Variants in UBL3 observed in about 807,000 individuals in gnomAD.
UBL3 encodes ubiquitin-like protein 3.
A neutral mutation model predicts 18.4 loss-of-function variants in UBL3; 6 were observed. The ratio of observed to expected loss-of-function variants is 0.33; its 90% CI spans 0.18 to 0.64. UBL3 has a LOEUF of 0.64. Ranked by LOEUF, UBL3 falls within the 30% of genes least tolerant of loss-of-function variation. UBL3 has a pLI of 0.76. For missense variants in UBL3, 109 were observed against 142.9 expected (o/e 0.76, Z 1.21); for synonymous variants, 49 against 46.6 (o/e 1.05, Z -0.21).
chr13:29,790,781 G>A (rs571880143), intron 1 of UBL3, among the ~76,000 whole-genome samples: 15 of 151,850 alleles, frequency 9.9e-5, no homozygotes, highest in Admixed American at 4.6e-4. Context: ...AACATCCTTC[G>A]GGAAGACTAT....
chr13:29,802,548 C>A (rs1466858786), intron 1 of UBL3, among the ~76,000 whole-genome samples: 4 of 152,130 alleles, frequency 2.6e-5, no homozygotes, highest in Non-Finnish European at 5.9e-5. Context: ...GAAACCTAAT[C>A]TAAGGAGTAC....
At chr13:29,828,063 G>A (rs1267308470) in intron 1 of UBL3, among the ~76,000 whole-genome samples, 1 of 152,092 alleles carries the variant, frequency 6.6e-6, no homozygotes, top group Admixed American at 6.6e-5. Context: ...TTAGTCTGAT[G>A]GGCTTCCCTT....
At chr13:29,822,890 T>C (rs1441364582) in intron 1 of UBL3, among the ~76,000 whole-genome samples, 14 of 151,976 alleles carry the variant, frequency 9.2e-5, no homozygotes, top group African/African-American at 3.4e-4. Context: ...AATTAGAACA[T>C]TTCAAAATGA....
intron 2 of UBL3, 110 bp downstream of exon 2, chr13:29,777,045 A>G: frequency 1.2e-6 from 1 of 805,942 alleles, no homozygotes; most frequent in Non-Finnish European, 1.9e-6. Context: ...TTATACTCTC[A>G]ATTTTCGGTT....
chr13:29,767,299 T>C lies in UBL3; in HGVS notation c.310A>G (p.Asn104Asp). ...TTACTCTCTCCAGTCTTCTCACGAT[T>C]CCTCTGACCTAGGGAAAACGAAGAA... ...LPEPNSQGQR[N>D]REKTGESNCC... is the part of the protein sequence containing the mutation. The change falls in exon 5 of 5, where the codon AAT becomes GAT. Residue 104 changes from asparagine to aspartate, a missense_variant. Coordinates refer to ENST00000380680, the MANE Select transcript of UBL3 (RefSeq NM_007106.4). 3 of 1,613,250 alleles carry C rather than the reference T, an allele frequency of 1.9e-6. No homozygotes were observed. The South Asian group carries it at 3.3e-5, about 18-fold the overall frequency.
intron 1 of UBL3, among the ~76,000 whole-genome samples, chr13:29,839,015 A>C (rs1340066168): frequency 6.6e-6 from 1 of 152,224 alleles, no homozygotes; most frequent in African/African-American, 2.4e-5. Flanking sequence ...AACAATCATA[A>C]ATTTATTTGT....
At chr13:29,803,163 A>G (rs1593662017) in intron 1 of UBL3, among the ~76,000 whole-genome samples, 1 of 152,262 alleles carries the variant, frequency 6.6e-6, no homozygotes, top group East Asian at 1.9e-4. Context: ...ACTAAGTTTA[A>G]TAAGCAAAGG....
intron 1 of UBL3, among the ~76,000 whole-genome samples, chr13:29,815,677 C>T (rs1367105765): frequency 6.6e-6 from 1 of 152,172 alleles, no homozygotes; most frequent in African/African-American, 2.4e-5. Flanking sequence ...AGTGTGCTTT[C>T]TGAATTGCCT....
At chr13:29,827,954 G>T (rs1878667888) in intron 1 of UBL3, among the ~76,000 whole-genome samples, 1 of 152,256 alleles carries the variant, frequency 6.6e-6, no homozygotes, top group Middle Eastern at 3.4e-3. Context: ...AGTTTGGCTG[G>T]ATATGAAATT....
At chr13:29,829,879 A>G (rs1878730866) in intron 1 of UBL3, among the ~76,000 whole-genome samples, 1 of 152,228 alleles carries the variant, frequency 6.6e-6, no homozygotes, top group Non-Finnish European at 1.5e-5. Flanking sequence ...TTAAAATGTT[A>G]AGAATGGTCA....
At chr13:29,784,553 T>C (rs1877258995) in intron 1 of UBL3, among the ~76,000 whole-genome samples, 1 of 151,678 alleles carries the variant, frequency 6.6e-6, no homozygotes, top group South Asian at 2.1e-4. Context: ...TAGACCCTTT[T>C]TGCAAATCTT....
chr13:29,767,992 G>C (rs1032612619), intron 3 of UBL3, among the ~76,000 whole-genome samples: 3 of 151,898 alleles, frequency 2.0e-5, no homozygotes, highest in Admixed American at 1.3e-4. Flanking sequence ...AGAGGAGAAA[G>C]GATTAAATTT....
At chr13:29,815,360 T>C (rs1878242625) in intron 1 of UBL3, among the ~76,000 whole-genome samples, 1 of 152,162 alleles carries the variant, frequency 6.6e-6, no homozygotes, top group Non-Finnish European at 1.5e-5. Context: ...TCCTCTAGTC[T>C]GGATACCAAA....
chr13:29,817,150 G>A (rs1399610246), intron 1 of UBL3, among the ~76,000 whole-genome samples: 1 of 152,136 alleles, frequency 6.6e-6, no homozygotes, highest in Non-Finnish European at 1.5e-5. Context: ...ACTTTAGGAG[G>A]AAAATACATT....
chr13:29,823,292 G>A (rs944686223), intron 1 of UBL3, among the ~76,000 whole-genome samples: 1 of 152,076 alleles, frequency 6.6e-6, no homozygotes, highest in East Asian at 1.9e-4. Flanking sequence ...ACAGGCATGC[G>A]CCACCACGCC....
intron 1 of UBL3, among the ~76,000 whole-genome samples, chr13:29,809,767 C>T (rs536509190): frequency 2.6e-5 from 4 of 152,176 alleles, no homozygotes; most frequent in East Asian, 1.9e-4. Context: ...CCTTCTGACC[C>T]CCGCCCACAG....
chr13:29,799,215 C>T (rs930894211), intron 1 of UBL3, among the ~76,000 whole-genome samples: 2 of 152,180 alleles, frequency 1.3e-5, no homozygotes, highest in Non-Finnish European at 1.5e-5. Flanking sequence ...TCCCCTTCCC[C>T]CTGCCCCCGG....
chr13:29,805,504 AC>A (rs1271371499), intron 1 of UBL3, among the ~76,000 whole-genome samples: 1 of 151,992 alleles, frequency 6.6e-6, no homozygotes, highest in South Asian at 2.1e-4. Context: ...CGGCTCTTAC[AC>A]CCCCAATACT....
At chr13:29,830,904 T>C (rs35735441) in intron 1 of UBL3, among the ~76,000 whole-genome samples, 6,909 of 152,310 alleles carry the variant, frequency 0.045, 222 homozygotes, top group Middle Eastern at 0.092. Flanking sequence ...TGATAATATA[T>C]TGAGACCCAT....
Sources: allele counts gnomAD v4.1 joint callset (sites outside exome capture counted in the v4.1 genomes callset), GRCh38; gene constraint gnomAD v4.1.1; transcripts MANE v1.5; gene names NCBI Gene and HGNC (gene_info 2026-07-23, HGNC 2026-07-21).